ZNF790: variants seen among roughly 807,000 people sequenced by gnomAD.
The protein encoded by ZNF790 is zinc finger protein 790.
In ZNF790, 8 loss-of-function variants were observed where a neutral mutation model predicts 12.1. The ratio of observed to expected loss-of-function variants is 0.66; its 90% CI spans 0.39 to 1.19. The LOEUF is 1.19. ZNF790 is among the 50% of genes most tolerant of loss of function. The probability of loss-of-function intolerance (pLI) is 0.01; values close to 1 mark genes in which losing one functional copy is unlikely to be tolerated. For synonymous variants in ZNF790, 252 were observed against 244.3 expected, an observed-to-expected ratio of 1.03 and a Z score of -0.29; for missense variants, 707 against 752.2, an observed-to-expected ratio of 0.94 and a Z score of 0.70.
chr19:36,823,344 A>G lies in ZNF790; in HGVS notation c.170T>C (p.Leu57Ser), dbSNP rs910808639. The change falls in exon 4 of 5, where the codon TTG becomes TCG. Residue 57 changes from leucine (L) to serine (S), a missense_variant. Coordinates refer to ENST00000356725, the MANE Select transcript of ZNF790 (RefSeq NM_206894.4). ...CTTCCAGGGCTCTTTCCCTTTCTCC[A>G]ATAAAGAGAACGCTTCTGGCTGATA... ...CIYQPEAFSL[L>S]EKGKEPWKIL... 3.1e-6 allele frequency: 5 copies of G among 1,614,122 alleles called. No individual in the cohort carries two copies. Among genetic ancestry groups the G allele is most frequent in the South Asian group, 2.2e-5 (2 of 91,076 alleles).
intron 1 of ZNF790, among the ~76,000 whole-genome samples, chr19:36,834,166 C>T (rs1175893790): frequency 2.8e-5 from 4 of 143,714 alleles, no homozygotes; most frequent in East Asian, 2.2e-4. Flanking sequence ...TCACTTGAAC[C>T]GGGGAGGCAG....
intron 1 of ZNF790, among the ~76,000 whole-genome samples, chr19:36,849,084 C>A (rs777785740): frequency 2.0e-5 from 3 of 152,092 alleles, no homozygotes; most frequent in African/African-American, 2.4e-5. Context: ...TGAGCCACCG[C>A]ACTCATGCTT....
At chr19:36,823,447 T>G in intron 3 of ZNF790, 67 bp from the exon 4 acceptor site, 1 of 1,479,212 alleles carries the variant, frequency 6.8e-7, no homozygotes, top group Admixed American at 1.9e-5. Context: ...AACTACTTCT[T>G]TGGTTACTAA....
chr19:36,824,638 A>G (rs1252709552), intron 2 of ZNF790, among the ~76,000 whole-genome samples: 1 of 152,196 alleles, frequency 6.6e-6, no homozygotes, highest in African/African-American at 2.4e-5. Context: ...ATGATCTTCA[A>G]ATCACAAATA....
chr19:36,837,970 A>G (rs1208161664), intron 1 of ZNF790: 2 of 152,308 alleles, frequency 1.3e-5, no homozygotes, highest in Admixed American at 6.5e-5. Flanking sequence ...TTTTGGCCCC[A>G]TAGCGGCTGC....
At chr19:36,827,141 C>CACACACACACACACACAT (rs1313807327) in intron 1 of ZNF790, among the ~76,000 whole-genome samples, 26 of 84,436 alleles carry the variant, frequency 3.1e-4, no homozygotes, top group African/African-American at 1.0e-3. Flanking sequence ...CACACACACA[C>CACACACACACACACACAT]ATATATATAT....
chr19:36,831,003 G>A (rs1427147340), intron 1 of ZNF790, among the ~76,000 whole-genome samples: 1 of 152,144 alleles, frequency 6.6e-6, no homozygotes, highest in Non-Finnish European at 1.5e-5. Context: ...GCCAGGTGTG[G>A]TGGCATGTGC....
At chr19:36,847,577 C>T (rs1181493409) in intron 1 of ZNF790, among the ~76,000 whole-genome samples, 2 of 151,706 alleles carry the variant, frequency 1.3e-5, no homozygotes, top group Non-Finnish European at 2.9e-5. Flanking sequence ...TGGTGAAACC[C>T]CGTCTCTACT....
chr19:36,833,250 C>T (rs940310171), intron 1 of ZNF790, among the ~76,000 whole-genome samples: 1 of 152,198 alleles, frequency 6.6e-6, no homozygotes, highest in African/African-American at 2.4e-5. Flanking sequence ...TCAAGTAATT[C>T]TCCTGTCTCA....
At chr19:36,822,413 G>C (rs1369193022) in intron 4 of ZNF790, among the ~76,000 whole-genome samples, 2 of 152,224 alleles carry the variant, frequency 1.3e-5, no homozygotes, top group Non-Finnish European at 2.9e-5. Flanking sequence ...TTTGTTACAT[G>C]AGTGAAAAAT....
rs1177726830 is a variant in ZNF790 at position 36,818,940 on chromosome 19, A to G, written c.1404T>C (p.His468=). The G allele has an allele frequency of 1.2e-6, 2 of 1,610,178 alleles. No individual in the cohort carries two copies. The stretch of plus-strand genomic sequence containing the variant: ...TTCTCTCACCAGTATGAATTTTCTG[A>G]TGTCGATTAAACTCTGAGCCATGAA... ...TFLHGSEFNR[H]QKIHTGERNY... Residue 468 remains histidine (H), a synonymous_variant, in exon 5 of 5, where the codon CAT becomes CAC. Coordinates refer to ENST00000356725, the MANE Select transcript of ZNF790 (RefSeq NM_206894.4).
At position 36,819,877 on chromosome 19, in the gene ZNF790, A is replaced by C. The variant is rs1189825500; in HGVS notation, c.467T>G (p.Val156Gly). Reference sequence around the variant, plus strand: ...ATTAAGTCTCTGGTGTAGATTAAACACTGTATGCTGGTTAAAAGTGGGCCT... The same window carrying C: ...ATTAAGTCTCTGGTGTAGATTAAACCCTGTATGCTGGTTAAAAGTGGGCCT... ...EKRPTFNQHT[V>G]FNLHQRLNTG... is the part of the protein sequence containing the mutation. Residue 156 changes from valine (V) to glycine (G), a missense_variant, in exon 5 of 5, where the codon GTG becomes GGG. Transcript: ENST00000356725. The C allele has an allele frequency of 1.2e-6, 2 of 1,613,652 alleles. No homozygotes were observed. The highest frequency in any genetic ancestry group is 1.7e-6 in the Non-Finnish European group (2 of 1,179,890).
At chr19:36,829,826 C>G (rs1568339254) in intron 1 of ZNF790, among the ~76,000 whole-genome samples, 1 of 152,190 alleles carries the variant, frequency 6.6e-6, no homozygotes. Context: ...CTCGGCCTCC[C>G]AAAGTGCTGG....
At position 36,818,563 on chromosome 19, in the gene ZNF790, T is replaced by G. The variant is rs772812198; in HGVS notation, c.1781A>C (p.Tyr594Ser). The G allele has an allele frequency of 6.1e-5, 98 of 1,610,142 alleles. 1 individual carries two copies. The Middle Eastern group carries it at 2.6e-3, about 43-fold the overall frequency. ...TGACTCATGACTAAAGGTGTTCCCA[T>G]AGTCTGTCCATTCACAGAGATTTGC... ...NSANLCEWTD[Y>S]GNTFSHESNF... Residue 594 changes from tyrosine to serine, a missense_variant, in exon 5 of 5, where the codon TAT (tyrosine) becomes TCT (serine). Tyr to Ser is a moderately radical substitution (Grantham distance 144). Coordinates refer to ENST00000356725, the MANE Select transcript of ZNF790 (RefSeq NM_206894.4).
chr19:36,844,277 C>T (rs1404646794), intron 1 of ZNF790, among the ~76,000 whole-genome samples: 2 of 151,208 alleles, frequency 1.3e-5, no homozygotes, highest in African/African-American at 4.9e-5. Context: ...CACCACTGTG[C>T]TCCAGCCTGA....
intron 1 of ZNF790, among the ~76,000 whole-genome samples, chr19:36,827,092 G>A (rs1204757363): frequency 4.7e-5 from 6 of 128,896 alleles, no homozygotes; most frequent in Non-Finnish European, 6.5e-5. Flanking sequence ...GTGTATATAT[G>A]TGTGTGTGTG....
intron 1 of ZNF790, among the ~76,000 whole-genome samples, chr19:36,846,802 G>A (rs187085555): frequency 2.0e-5 from 3 of 152,230 alleles, no homozygotes; most frequent in African/African-American, 7.2e-5. Flanking sequence ...CTTATTTTCT[G>A]TATTCTTGAT....
chr19:36,820,643 C>T (rs2071647120), intron 4 of ZNF790, among the ~76,000 whole-genome samples: 1 of 152,116 alleles, frequency 6.6e-6, no homozygotes, highest in Admixed American at 6.5e-5. Flanking sequence ...GTGATTCACA[C>T]CTTTAATCCC....
chr19:36,834,620 T>C (rs1385441445), intron 1 of ZNF790, among the ~76,000 whole-genome samples: 1 of 152,054 alleles, frequency 6.6e-6, no homozygotes, highest in African/African-American at 2.4e-5. Flanking sequence ...ATGGGAACTT[T>C]TAACTGGTTC....
Sources: allele counts gnomAD v4.1 joint callset (sites outside exome capture counted in the v4.1 genomes callset), GRCh38; gene constraint gnomAD v4.1.1; transcripts MANE v1.5; gene names NCBI Gene and HGNC (gene_info 2026-07-23, HGNC 2026-07-21).